The following SLC67A1 variants were observed in gnomAD, a reference collection of about 807,000 sequenced individuals.
SLC67A1 encodes the protein solute carrier family 67 member 1.
the SLC67A1 span, chr11:2,914,600 C>A: frequency 1.6e-6 from 1 of 612,942 alleles, no homozygotes; most frequent in Non-Finnish European, 2.0e-6. Flanking sequence ...GGTCCCCCAG[C>A]CCCAGGCTTT....
the SLC67A1 span, among the ~76,000 whole-genome samples, chr11:2,906,624 C>A: frequency 1.3e-5 from 2 of 150,888 alleles, no homozygotes; most frequent in Admixed American, 1.3e-4. Context: ...GACAGAAAAC[C>A]AGACACCACA....
chr11:2,905,334 G>A, the SLC67A1 span, among the ~76,000 whole-genome samples: 3 of 152,168 alleles, frequency 2.0e-5, no homozygotes, highest in Non-Finnish European at 2.9e-5. Flanking sequence ...AAGAAGCCAC[G>A]AAGGCAACTG....
At chr11:2,917,024 G>C in the SLC67A1 span, 1 of 466,458 alleles carries the variant, frequency 2.1e-6, no homozygotes. Flanking sequence ...GACAGGGAAG[G>C]TGCTAGGAGG....
the SLC67A1 span, among the ~76,000 whole-genome samples, chr11:2,901,238 G>A: frequency 6.6e-6 from 1 of 152,236 alleles, no homozygotes. Flanking sequence ...GCTGAACGAA[G>A]GGTAGCTGCT....
the SLC67A1 span, among the ~76,000 whole-genome samples, chr11:2,917,499 G>A: frequency 6.6e-6 from 1 of 152,248 alleles, no homozygotes; most frequent in African/African-American, 2.4e-5. Context: ...GGGGGCCTGT[G>A]GCTTCGCACT....
chr11:2,917,471 G>C, the SLC67A1 span, among the ~76,000 whole-genome samples: 1 of 152,242 alleles, frequency 6.6e-6, no homozygotes, highest in South Asian at 2.1e-4. Context: ...AAGGAGGAAG[G>C]ACTCGGTGAG....
the SLC67A1 span, chr11:2,903,626 C>G: frequency 0.01 from 8,915 of 880,310 alleles, 65 homozygotes; most frequent in Non-Finnish European, 0.012. Flanking sequence ...GGACTCATGC[C>G]ACGCTTAAGC....
the SLC67A1 span, among the ~76,000 whole-genome samples, chr11:2,923,772 C>A: frequency 3.3e-5 from 5 of 152,194 alleles, no homozygotes; most frequent in African/African-American, 1.2e-4. The surrounding 1 kb of genome is among the most constrained non-coding windows in gnomAD (Gnocchi z 6.5). Flanking sequence ...GGAGACCAGG[C>A]CCAGGCCATT....
the SLC67A1 span, chr11:2,909,133 T>C: frequency 7.1e-7 from 1 of 1,408,556 alleles, no homozygotes; most frequent in Non-Finnish European, 9.3e-7. Flanking sequence ...GGGCAGCCCC[T>C]GGACGGGGGG....
chr11:2,919,099 C>A, the SLC67A1 span: 1 of 590,450 alleles, frequency 1.7e-6, no homozygotes, highest in Non-Finnish European at 3.1e-6. Context: ...GCTTAGCAAC[C>A]ACACGAGAGG....
chr11:2,916,804 C>T, the SLC67A1 span: 11 of 1,427,746 alleles, frequency 7.7e-6, no homozygotes, highest in African/African-American at 4.2e-5. Context: ...GCTAGGCCTG[C>T]GTGCTCCAGC....
the SLC67A1 span, chr11:2,924,997 A>T: frequency 6.3e-7 from 1 of 1,598,218 alleles, no homozygotes; most frequent in Non-Finnish European, 8.5e-7. The surrounding 1 kb of genome is among the most constrained non-coding windows in gnomAD (Gnocchi z 8.6). Flanking sequence ...GACTACCCCC[A>T]TGCACCCCCC....
At chr11:2,909,074 C>T in the SLC67A1 span, 1 of 932,604 alleles carries the variant, frequency 1.1e-6, no homozygotes, top group Non-Finnish European at 1.5e-6. Flanking sequence ...CAGGCGCCCC[C>T]GCCCTCCATC....
chr11:2,909,570 G>C, the SLC67A1 span: 30 of 1,525,800 alleles, frequency 2.0e-5, no homozygotes, highest in South Asian at 3.4e-4. Context: ...CCCCCGCCCC[G>C]TCCCCAGCCG....
the SLC67A1 span, chr11:2,902,844 C>T: frequency 8.5e-6 from 6 of 702,480 alleles, no homozygotes; most frequent in Non-Finnish European, 8.8e-6. Context: ...CTGAGAGCTG[C>T]ACTGTGTTGG....
At chr11:2,916,981 C>T in the SLC67A1 span, 1 of 565,216 alleles carries the variant, frequency 1.8e-6, no homozygotes, top group Non-Finnish European at 3.2e-6. Flanking sequence ...GCAGGAAGGC[C>T]CAGACAGGGA....
the SLC67A1 span, chr11:2,924,880 A>G: frequency 4.0e-6 from 3 of 755,386 alleles, no homozygotes; most frequent in Admixed American, 5.6e-5. The surrounding 1 kb of genome is among the most constrained non-coding windows in gnomAD (Gnocchi z 8.6). Flanking sequence ...TCACCAGACT[A>G]TGCAAGGTGC....
At chr11:2,922,521 G>T in the SLC67A1 span, 18 of 1,612,990 alleles carry the variant, frequency 1.1e-5, no homozygotes, top group Non-Finnish European at 1.5e-5. Context: ...GTCACCGACA[G>T]CATGCTGATC....
chr11:2,925,145 T>C, the SLC67A1 span: 2 of 1,613,818 alleles, frequency 1.2e-6, no homozygotes, highest in Admixed American at 1.7e-5. The surrounding 1 kb of genome is among the most constrained non-coding windows in gnomAD (Gnocchi z 6.5). Context: ...ACCCTTGTCC[T>C]CCTGGTCCTC....
Sources: gnomAD v4.1 joint callset for allele counts (sites outside exome capture counted in the v4.1 genomes callset) on GRCh38, gnomAD v4.1.1 for gene constraint, Gnocchi (gnomAD v3.1) non-coding constraint, MANE v1.5 for transcripts, NCBI Gene and HGNC (gene_info 2026-07-23, HGNC 2026-07-21) for gene names.